NRF1: variants seen among roughly 807,000 people sequenced by gnomAD.
NRF1 encodes the protein alpha palindromic-binding protein.
In NRF1, 5 loss-of-function variants were observed where a neutral mutation model predicts 58.5. That is an observed-to-expected ratio of 0.09 (90% CI 0.04 to 0.18). The LOEUF (loss-of-function observed/expected upper bound fraction) is 0.18, where lower values mean the gene tolerates loss of function less well. Among genes scored for constraint, NRF1 ranks in the 10% least tolerant of loss-of-function variants. The probability of loss-of-function intolerance (pLI) is 1.00; values close to 1 mark genes in which losing one functional copy is unlikely to be tolerated. For missense variants in NRF1, 288 were observed against 657.7 expected, an observed-to-expected ratio of 0.44 and a Z score of 6.15; for synonymous variants, 224 against 246.7, an observed-to-expected ratio of 0.91 and a Z score of 0.86.
chr7:129,645,724 A>G (rs753582300), intron 1 of NRF1, among the ~76,000 whole-genome samples: 2 of 152,222 alleles, frequency 1.3e-5, no homozygotes. Context: ...CAGGAATGTT[A>G]GACTTAAAGA....
chr7:129,721,598 C>T (rs1226877602), intron 9 of NRF1, among the ~76,000 whole-genome samples: 1 of 151,794 alleles, frequency 6.6e-6, no homozygotes, highest in African/African-American at 2.4e-5. Flanking sequence ...TCTCCTGCCT[C>T]GGTCTCCCAA....
intron 5 of NRF1, among the ~76,000 whole-genome samples, chr7:129,694,362 C>T (rs1040840571): frequency 6.6e-6 from 1 of 152,056 alleles, no homozygotes; most frequent in African/African-American, 2.4e-5. Context: ...TCCTCTTTGT[C>T]TCTGTCTCTC....
intron 1 of NRF1, among the ~76,000 whole-genome samples, chr7:129,629,312 C>G (rs1196060750): frequency 6.9e-6 from 1 of 143,908 alleles, no homozygotes; most frequent in Non-Finnish European, 1.5e-5. Flanking sequence ...GAGTCTTGCT[C>G]TTGTCACCCA....
intron 6 of NRF1, among the ~76,000 whole-genome samples, chr7:129,710,144 G>A (rs1286444097): frequency 2.0e-5 from 3 of 152,168 alleles, no homozygotes; most frequent in Non-Finnish European, 1.5e-5. Context: ...GGTTGGAATA[G>A]GGTGTAAACT....
intron 1 of NRF1, among the ~76,000 whole-genome samples, chr7:129,619,021 G>A (rs1800712483): frequency 6.6e-6 from 1 of 152,034 alleles, no homozygotes. Flanking sequence ...TTCAGATTTT[G>A]GAGCATTTCA....
At chr7:129,674,746 T>A (rs143432591) in intron 3 of NRF1, among the ~76,000 whole-genome samples, 2,018 of 152,208 alleles carry the variant, frequency 0.013, 23 homozygotes, top group Non-Finnish European at 0.019. Flanking sequence ...CTAAAACACT[T>A]AATTGCTAAA....
chr7:129,630,279 G>C (rs1018367016), intron 1 of NRF1: 1 of 152,202 alleles, frequency 6.6e-6, no homozygotes, highest in Non-Finnish European at 1.5e-5. Flanking sequence ...CTTGGTAAAT[G>C]CAAATGATGA....
chr7:129,735,548 A>G (rs1243643390), intron 10 of NRF1, among the ~76,000 whole-genome samples: 1 of 152,146 alleles, frequency 6.6e-6, no homozygotes, highest in African/African-American at 2.4e-5. Flanking sequence ...AATAAAAATA[A>G]AATAGAATAA....
intron 1 of NRF1, among the ~76,000 whole-genome samples, chr7:129,648,274 C>CTTTTTTTTT (rs35513653): frequency 9.3e-5 from 9 of 97,056 alleles, no homozygotes; most frequent in Non-Finnish European, 1.5e-4. Context: ...GCATTATTGA[C>CTTTTTTTTT]TTTTTTTTTT....
At chr7:129,682,957 A>T (rs1218923438) in intron 4 of NRF1, among the ~76,000 whole-genome samples, 2 of 152,108 alleles carry the variant, frequency 1.3e-5, no homozygotes, top group Admixed American at 1.3e-4. Flanking sequence ...TTGAAACAAG[A>T]TCTTGTTCTG....
chr7:129,614,672 T>C (rs1800625198), intron 1 of NRF1, among the ~76,000 whole-genome samples: 1 of 152,158 alleles, frequency 6.6e-6, no homozygotes, highest in Non-Finnish European at 1.5e-5. Flanking sequence ...GAAGGAGCTA[T>C]AGAAGTAGAA....
chr7:129,730,565 A>C (rs1803555569), intron 10 of NRF1, among the ~76,000 whole-genome samples: 1 of 152,204 alleles, frequency 6.6e-6, no homozygotes, highest in African/African-American at 2.4e-5. Context: ...TGGAACTAGC[A>C]GGGATAGAGG....
intron 10 of NRF1, among the ~76,000 whole-genome samples, chr7:129,748,080 CCTGA>C (rs1361892489): frequency 3.3e-5 from 5 of 151,928 alleles, no homozygotes; most frequent in Middle Eastern, 3.4e-3. Context: ...TCAAGACCAG[CCTGA>C]CTAACATGGT....
At chr7:129,680,812 C>T (rs367596712) in intron 4 of NRF1, among the ~76,000 whole-genome samples, 2 of 152,128 alleles carry the variant, frequency 1.3e-5, no homozygotes, top group South Asian at 2.1e-4. Flanking sequence ...AAGAGAGTGA[C>T]GCCAGTGGGC....
intron 1 of NRF1, among the ~76,000 whole-genome samples, chr7:129,650,172 C>CTT (rs547552443): frequency 4.9e-5 from 7 of 141,482 alleles, no homozygotes; most frequent in African/African-American, 1.8e-4. Flanking sequence ...TTTCTTTTTC[C>CTT]TTTTTTTTTT....
chr7:129,679,068 G>A (rs1206172270), intron 4 of NRF1, among the ~76,000 whole-genome samples: 2 of 152,162 alleles, frequency 1.3e-5, no homozygotes, highest in Admixed American at 1.3e-4. Flanking sequence ...CCAAGTCTCT[G>A]TATAAAAGAT....
intron 1 of NRF1, chr7:129,630,082 T>C (rs1226402230): frequency 6.6e-6 from 1 of 152,224 alleles, no homozygotes; most frequent in Non-Finnish European, 1.5e-5. Flanking sequence ...TTTCAGTTCC[T>C]GGTCCAGAAC....
At chr7:129,733,459 C>T (rs1027249543) in intron 10 of NRF1, among the ~76,000 whole-genome samples, 1 of 117,364 alleles carries the variant, frequency 8.5e-6, no homozygotes, top group African/African-American at 2.7e-5. Flanking sequence ...GAGCGAGACT[C>T]CGTCTCAAAA....
chr7:129,729,899 A>G (rs1444488696), intron 10 of NRF1, among the ~76,000 whole-genome samples: 2 of 152,166 alleles, frequency 1.3e-5, no homozygotes, highest in Admixed American at 6.5e-5. Context: ...GTGCAGTGGC[A>G]CAATCTCAAC....
Sources: allele counts gnomAD v4.1 joint callset (sites outside exome capture counted in the v4.1 genomes callset), GRCh38; gene constraint gnomAD v4.1.1; transcripts MANE v1.5; gene names NCBI Gene and HGNC (gene_info 2026-07-23, HGNC 2026-07-21).